Variants in GCFC2 observed in about 807,000 individuals in gnomAD.
GCFC2 encodes intron Large complex component GCFC2.
A neutral mutation model predicts 99.4 loss-of-function variants in GCFC2; 102 were observed. That is an observed-to-expected ratio of 1.03 (90% CI 0.87 to 1.21). The LOEUF (loss-of-function observed/expected upper bound fraction) is 1.21, where lower values mean the gene tolerates loss of function less well. Among genes scored for constraint, GCFC2 ranks in the 50% most tolerant of loss-of-function variants. The pLI is 0.00. For missense variants in GCFC2, 973 were observed against 920.9 expected, an observed-to-expected ratio of 1.06 and a Z score of -0.73; for synonymous variants, 338 against 316.8, an observed-to-expected ratio of 1.07 and a Z score of -0.71.
At chr2:75,712,571 C>T (rs1009118828), upstream of GCFC2, among the ~76,000 whole-genome samples, 2 of 152,130 alleles carry the variant, frequency 1.3e-5, no homozygotes, top group African/African-American at 4.8e-5. Context: ...AGTGGCAACC[C>T]GCTCCGGTCC....
In GCFC2 at chr2:75,696,172, T is replaced by C. The variant is rs199762829; in HGVS notation, c.833+28A>G. On this transcript the variant is annotated intron_variant, in intron 5 of 16. Coordinates refer to ENST00000321027, the MANE Select transcript of GCFC2 (RefSeq NM_003203.5). ...TTTAGTATTAAATATCTAGGACAAA[T>C]GTAAATTTCAAAATGAGTATTGCTC... 3,454 of 817,120 alleles carry C rather than the reference T, an allele frequency of 4.2e-3. 117 individuals are homozygous for C. The South Asian group carries it at 0.047, about 11-fold the overall frequency. 50.6% of individuals were successfully genotyped at this position (817,120 alleles called of 1,614,324 possible).
intron 4 of GCFC2, 92 bp from the exon 5 acceptor site, chr2:75,696,407 T>C: frequency 1.8e-6 from 1 of 558,274 alleles, no homozygotes; most frequent in Non-Finnish European, 3.3e-6. Context: ...TGATCCAAGG[T>C]CTCTTCAAGC....
chr2:75,702,347 A>C lies in GCFC2; in HGVS notation c.471T>G (p.Ile157Met). 3 of 1,612,516 alleles carry C rather than the reference A, an allele frequency of 1.9e-6. No individual in the cohort carries two copies. The highest frequency in any genetic ancestry group is 1.7e-6 in the Non-Finnish European group (2 of 1,178,506). Residue 157 changes from isoleucine to methionine, a missense_variant, in exon 3 of 17, where the codon ATT (isoleucine) becomes ATG (methionine). Ile to Met is a conservative substitution (Grantham distance 10, BLOSUM62 1). Coordinates refer to ENST00000321027, the MANE Select transcript of GCFC2 (RefSeq NM_003203.5). ...AGGAGGTATGTTGTACATCCAAAGA[A>C]ATATAGTCATCTTGGGCCCTGGCCA... is the stretch of plus-strand genomic sequence containing the variant. ...RELARAQDDY[I>M]SLDVQHTSSI...
chr2:75,701,857 C>A, intron 3 of GCFC2: 1 of 991,648 alleles, frequency 1.0e-6, no homozygotes, highest in Non-Finnish European at 1.2e-6. Context: ...CATCTAAAAT[C>A]TCTATAGATG....
In GCFC2 at chr2:75,664,733, T is replaced by C. The variant is rs1168108151; in HGVS notation, c.2279A>G (p.Asn760Ser). The C allele has an allele frequency of 1.3e-6, 2 of 1,575,872 alleles. No individual in the cohort carries two copies. The highest frequency in any genetic ancestry group is 1.7e-6 in the Non-Finnish European group (2 of 1,146,532). ...CTCTCCTATGAAGGATTCTGCTTGA[T>C]TCAAAGCTTTTATTTTCACCAAAAT... Reference protein sequence around the residue: ...ILILVKIKALNQAESFIGEHH... With the variant: ...ILILVKIKALSQAESFIGEHH... Residue 760 changes from asparagine to serine, a missense_variant, in exon 17 of 17, where the codon AAT becomes AGT. Transcript: ENST00000321027.
chr2:75,667,888 A>T lies in GCFC2; in HGVS notation c.2104-1835T>A, dbSNP rs754208518. ...TGATGATTTAAATTTTTAATATATA[A>T]TGCTTAAAACTATGATATAAAAACT... On this transcript the variant is annotated intron_variant, in intron 15 of 16. Transcript: ENST00000321027. Among the ~76,000 whole-genome samples the T allele has an allele frequency of 3.3e-5, 5 of 152,128 alleles. 1 individual carries two copies. Among genetic ancestry groups the T allele is most frequent in the Non-Finnish European group, 5.9e-5 (4 of 67,996 alleles).
chr2:75,706,200 C>T (rs183571354), intron 2 of GCFC2, among the ~76,000 whole-genome samples: 212 of 152,278 alleles, frequency 1.4e-3, no homozygotes, highest in Non-Finnish European at 2.0e-3. Flanking sequence ...TTCAGATATG[C>T]TACATCCTAT....
intron 3 of GCFC2, 44 bp from the exon 4 acceptor site, chr2:75,701,331 A>G (rs1680581633): frequency 1.7e-6 from 2 of 1,157,288 alleles, no homozygotes; most frequent in South Asian, 2.5e-5. Flanking sequence ...GTATTTTTCC[A>G]TTTTAATTGC....
In GCFC2 at chr2:75,687,913, C is replaced by T; in HGVS notation, c.1604G>A (p.Ser535Asn). Reference sequence around the variant, plus strand: ...ACTTTCCTTCTTTGAATCTTCCACACTGCTATCCATAAATTCTTCTACAGA... The same window carrying T: ...ACTTTCCTTCTTTGAATCTTCCACATTGCTATCCATAAATTCTTCTACAGA... ...FKSVEEFMDS[S>N]VEDSKKESSS... The change falls in exon 11 of 17, where the codon AGT (serine) becomes AAT (asparagine). Residue 535 changes from serine to asparagine, a missense_variant. Transcript: ENST00000321027. 6.3e-7 allele frequency: 1 copy of T among 1,596,560 alleles called. No homozygotes were observed. Among genetic ancestry groups the T allele is most frequent in the Non-Finnish European group, 8.6e-7 (1 of 1,165,848 alleles).
Position 75,670,165 on chromosome 2 carries a change from C to T in GCFC2, c.2076G>A (p.Gly692=). The change falls in exon 15 of 17, where the codon GGG becomes GGA. Residue 692 remains glycine (G), a synonymous_variant. Transcript: ENST00000321027. ...LIIALLNATP[G]PDVVKKCNQV... is the part of the protein sequence containing the mutation. ...GGTTGCACTTTTTAACCACATCTGGCCCAGGTGTGGCATTGAGAAGTGCTA... is the reference window on the plus strand; with the variant it reads ...GGTTGCACTTTTTAACCACATCTGGTCCAGGTGTGGCATTGAGAAGTGCTA... 2 of 1,607,386 alleles carry T rather than the reference C, an allele frequency of 1.2e-6. No individual in the cohort carries two copies. Among genetic ancestry groups the T allele is most frequent in the East Asian group, 2.2e-5 (1 of 44,834 alleles).
chr2:75,670,802 A>G (rs930227644), intron 14 of GCFC2: 2 of 152,882 alleles, frequency 1.3e-5, no homozygotes, highest in African/African-American at 4.8e-5. Context: ...CTTTCCCTCT[A>G]CTAAATTCAG....
intron 14 of GCFC2, among the ~76,000 whole-genome samples, chr2:75,671,269 T>C (rs763431151): frequency 9.2e-5 from 14 of 152,192 alleles, no homozygotes; most frequent in Admixed American, 2.0e-4. Flanking sequence ...TCATGCTTCA[T>C]CCAGTCTCCT....
rs1680880683 is a variant in GCFC2, at chr2:75,706,646, T to C, written c.271A>G (p.Arg91Gly). 1 of 1,571,960 alleles carries C rather than the reference T, an allele frequency of 6.4e-7. No homozygotes were observed. The highest frequency in any genetic ancestry group is 8.7e-7 in the Non-Finnish European group (1 of 1,153,304). ...APRADEGSES[R>G]TLDVSTDEED... ...TCATCTGTGGACACATCAAGGGTTC[T>C]GGATTCTAACAGGACATTTTAAAAA... The change falls in exon 2 of 17, where the codon AGA becomes GGA. Residue 91 changes from arginine to glycine, a missense_variant. Coordinates refer to ENST00000321027, the MANE Select transcript of GCFC2 (RefSeq NM_003203.5).
At chr2:75,684,272 A>C (rs1436438094) in intron 11 of GCFC2, among the ~76,000 whole-genome samples, 1 of 152,202 alleles carries the variant, frequency 6.6e-6, no homozygotes, top group African/African-American at 2.4e-5. Flanking sequence ...AAATCATAAC[A>C]AACAGTCTCT....
At chr2:75,671,304 T>C (rs892561917) in intron 14 of GCFC2, among the ~76,000 whole-genome samples, 15 of 152,214 alleles carry the variant, frequency 9.9e-5, no homozygotes, top group African/African-American at 3.6e-4. Flanking sequence ...TTCATGACCA[T>C]GGCTCCAAAT....
At position 75,672,079 on chromosome 2, in the gene GCFC2, A is replaced by T. The variant is rs530858259; in HGVS notation, c.1890-63T>A. The T allele has an allele frequency of 2.5e-5, 21 of 829,660 alleles. No individual in the cohort carries two copies. The South Asian group carries it at 3.0e-4, about 12-fold the overall frequency. The allele number at this position is 829,660 out of a possible 1,614,324, so 51.4% of individuals were successfully genotyped here. ...AGAACTATTAGTCTTTCAGAACCAG[A>T]GTTTAAGATCAGACTTTCTTTTAAA... On this transcript the variant is annotated intron_variant, in intron 13 of 16. Coordinates refer to ENST00000321027, the MANE Select transcript of GCFC2 (RefSeq NM_003203.5).
chr2:75,669,186 T>C (rs577998818), intron 15 of GCFC2, among the ~76,000 whole-genome samples: 1 of 152,356 alleles, frequency 6.6e-6, no homozygotes, highest in Non-Finnish European at 1.5e-5. Context: ...ATTTGAATTA[T>C]TTACTAAATT....
chr2:75,710,509 C>G (rs1681101646), intron 1 of GCFC2, 82 bp downstream of exon 1: 1 of 1,411,232 alleles, frequency 7.1e-7, no homozygotes, highest in Non-Finnish European at 9.2e-7. Context: ...TTATAGAACC[C>G]CCAGAGAAGG....
upstream of GCFC2, among the ~76,000 whole-genome samples, chr2:75,712,621 A>G (rs1334239707): frequency 1.3e-5 from 2 of 152,168 alleles, no homozygotes; most frequent in African/African-American, 2.4e-5. Context: ...CGCTCTTTGC[A>G]ATAAATCTTG....
Sources: allele counts gnomAD v4.1 joint callset (sites outside exome capture counted in the v4.1 genomes callset), GRCh38; gene constraint gnomAD v4.1.1; transcripts MANE v1.5; gene names NCBI Gene and HGNC (gene_info 2026-07-23, HGNC 2026-07-21).